The following ABCA3 variants were observed in gnomAD, a reference collection of about 807,000 sequenced individuals.
ABCA3 encodes the protein phospholipid-transporting ATPase ABCA3.
Under a neutral mutation model 172.8 loss-of-function variants are expected in ABCA3, and 88 were observed. The observed-to-expected ratio is 0.51, with a 90% CI of 0.43 to 0.61. The LOEUF (loss-of-function observed/expected upper bound fraction) is 0.61. Ranked by LOEUF, ABCA3 falls within the 20% of genes least tolerant of loss-of-function variation. The pLI is 0.00. For synonymous variants in ABCA3, 1,066 were observed against 983.8 expected (o/e 1.08, Z -1.56); for missense variants, 2,164 against 2,301.0 (o/e 0.94, Z 1.22).
Position 2,298,367 on chromosome 16 carries a change from C to T in ABCA3, c.1896+19G>A, listed in dbSNP as rs1308378273. On this transcript the variant is annotated intron_variant, in intron 15 of 32. Coordinates refer to ENST00000301732, the MANE Select transcript of ABCA3 (RefSeq NM_001089.3). ...ACATCAGTGGAAACACCCCTGCACA[C>T]CCCTGGCCCCCAACTCACCTGGGCG... is the stretch of plus-strand genomic sequence containing the variant. The T allele has an allele frequency of 1.7e-5, 28 of 1,614,002 alleles. No homozygotes were observed. Among genetic ancestry groups the T allele is most frequent in the Non-Finnish European group, 2.3e-5 (27 of 1,179,988 alleles).
Position 2,297,583 on chromosome 16 carries a change from C to A in ABCA3, c.2053-44G>T. 1 of 1,607,482 alleles carries A rather than the reference C, an allele frequency of 6.2e-7. No homozygotes were observed. Among genetic ancestry groups the A allele is most frequent in the Non-Finnish European group, 8.5e-7 (1 of 1,178,382 alleles). ...TCTCGCGACGCTGGTAGAGCCACAC[C>A]CCGGGCCCAGGCTGGCCTTGCGGTA... On this transcript the variant is annotated intron_variant, in intron 16 of 32. Transcript: ENST00000301732. This position sits in a 1 kb window ranked among gnomAD's most constrained non-coding sequence, Gnocchi z 5.6.
intron 11 of ABCA3, 112 bp from the exon 12 acceptor site, chr16:2,304,262 G>C (rs561918204): frequency 8.9e-7 from 1 of 1,123,854 alleles, no homozygotes; most frequent in East Asian, 2.4e-5. Context: ...GCCACTGCTT[G>C]GTTGGCATGC....
chr16:2,338,799 G>C (rs537541716), intron 1 of ABCA3, among the ~76,000 whole-genome samples: 16 of 141,724 alleles, frequency 1.1e-4, no homozygotes, highest in African/African-American at 4.2e-4. Flanking sequence ...CTGTCGCCCA[G>C]GCTGGAGGGC....
chr16:2,277,580 C>T lies in ABCA3; in HGVS notation c.4983+17G>A, dbSNP rs1567335224. On this transcript the variant is annotated intron_variant, in intron 32 of 32. Transcript: ENST00000301732. This position sits in a 1 kb window ranked among gnomAD's most constrained non-coding sequence, Gnocchi z 5.3. Reference sequence around the variant, plus strand: ...CTGCCCCATGAGTGCCCAGTGGGGCCCCAGGGACTGCCTCACCTTCGCCCA... The same window carrying T: ...CTGCCCCATGAGTGCCCAGTGGGGCTCCAGGGACTGCCTCACCTTCGCCCA... The T allele has an allele frequency of 4.3e-6, 7 of 1,612,758 alleles. No individual in the cohort carries two copies. The highest frequency in any genetic ancestry group is 5.1e-6 in the Non-Finnish European group (6 of 1,179,914).
intron 10 of ABCA3, among the ~76,000 whole-genome samples, chr16:2,313,170 G>A (rs1172256952): frequency 6.6e-6 from 1 of 152,154 alleles, no homozygotes; most frequent in African/African-American, 2.4e-5. Context: ...TTTATGCTTA[G>A]GGTCTGGTGG....
chr16:2,322,934 C>T (rs544118423), intron 7 of ABCA3, among the ~76,000 whole-genome samples: 3 of 152,246 alleles, frequency 2.0e-5, no homozygotes, highest in African/African-American at 7.2e-5. Flanking sequence ...CCAGAATCTA[C>T]AATGAACTCA....
Position 2,283,038 on chromosome 16 carries a change from G to A in ABCA3, c.4035+148C>T, listed in dbSNP as rs1234142440. ...GTGCCCCGCCCTGGCTGTAAGTGCCGGCTGGTGCTGAGGCCGTACAGTGGG... is the reference window on the plus strand; with the variant it reads ...GTGCCCCGCCCTGGCTGTAAGTGCCAGCTGGTGCTGAGGCCGTACAGTGGG... On this transcript the variant is annotated intron_variant, in intron 26 of 32. Transcript: ENST00000301732. This position sits in a 1 kb window ranked among gnomAD's most constrained non-coding sequence, Gnocchi z 5.4. 1.9e-5 allele frequency: 18 copies of A among 934,210 alleles called. No homozygotes were observed. Among genetic ancestry groups the A allele is most frequent in the Non-Finnish European group, 2.5e-5 (15 of 603,814 alleles). The allele number at this position is 934,210 out of a possible 1,614,324, so 57.9% of individuals were successfully genotyped here.
In ABCA3 at chr16:2,288,110, C is replaced by G. The variant is rs773990907; in HGVS notation, c.2920G>C (p.Gly974Arg). The G allele has an allele frequency of 3.1e-6, 5 of 1,613,424 alleles. No homozygotes were observed. The South Asian group carries it at 3.3e-5, about 11-fold the overall frequency. ...GRTVVPFSVP[G>R]TSQLGQQLSE... is the part of the protein sequence containing the mutation. Reference sequence around the variant, plus strand: ...AGCTGCTGACCCAGCTGGGAGGTCCCGGGAACTGAGAAGGGCACGACGGTT... The same window carrying G: ...AGCTGCTGACCCAGCTGGGAGGTCCGGGGAACTGAGAAGGGCACGACGGTT... Residue 974 changes from glycine (G) to arginine (R), a missense_variant, in exon 21 of 33, where the codon GGG (glycine) becomes CGG (arginine). By Grantham distance (125) the Gly-to-Arg change is moderately radical (BLOSUM62 -2). Around this residue, in one of 3 missense-constraint regions of ABCA3, gnomAD observed 1,343 missense variants for 1,369.6 expected, o/e 0.98. Coordinates refer to ENST00000301732, the MANE Select transcript of ABCA3 (RefSeq NM_001089.3).
intron 12 of ABCA3, among the ~76,000 whole-genome samples, chr16:2,301,144 T>C (rs1317401799): frequency 6.8e-5 from 10 of 147,760 alleles, no homozygotes; most frequent in Admixed American, 6.1e-4. Context: ...GGCAGGAGAA[T>C]GGCGTGAACC....
intron 11 of ABCA3, among the ~76,000 whole-genome samples, chr16:2,307,535 C>G (rs1182753825): frequency 2.0e-5 from 3 of 151,866 alleles, no homozygotes; most frequent in Non-Finnish European, 2.9e-5. Context: ...ACCTGGGAAA[C>G]AGAACGAGAC....
chr16:2,325,860 G>A lies in ABCA3; in HGVS notation c.319+150C>T, dbSNP rs2093733337. 1.4e-5 allele frequency: 15 copies of A among 1,065,334 alleles called. No homozygotes were observed. In the South Asian group the frequency reaches 1.9e-4, roughly 13 times the overall value. 66.0% of individuals were successfully genotyped at this position (1,065,334 alleles called of 1,614,324 possible). On this transcript the variant is annotated intron_variant, in intron 5 of 32. Transcript: ENST00000301732. ...GGAACAGCAGTGCCTTTTACAGGTT[G>A]AAGTAGTGATGCGGGAAGAAGCAGA...
chr16:2,278,606 C>A lies in ABCA3; in HGVS notation c.4548-148G>T. 1 of 1,157,248 alleles carries A rather than the reference C, an allele frequency of 8.6e-7. No homozygotes were observed. Among genetic ancestry groups the A allele is most frequent in the Non-Finnish European group, 1.2e-6 (1 of 814,164 alleles). The allele number at this position is 1,157,248 out of a possible 1,614,324, so 71.7% of individuals were successfully genotyped here. ...GAAGAGGAAGGAGCTGTGTGTGCAC[C>A]TGGAAAGCCCACCGCATAGGGCTGG... On this transcript the variant is annotated intron_variant, in intron 29 of 32. Transcript: ENST00000301732. The surrounding 1 kb of genome is among the most constrained non-coding windows in gnomAD (Gnocchi z 4.4).
At position 2,284,761 on chromosome 16, in the gene ABCA3, T is replaced by G. The variant is rs964066957; in HGVS notation, c.3703+18A>C. The G allele has an allele frequency of 6.2e-7, 1 of 1,607,296 alleles. No homozygotes were observed. The highest frequency in any genetic ancestry group is 8.5e-7 in the Non-Finnish European group (1 of 1,177,548). The stretch of plus-strand genomic sequence containing the variant: ...CGTGGATGGCCATGGGGGCTGCGGG[T>G]GGTCTCCAGGTGCCCACCTGGGATG... On this transcript the variant is annotated intron_variant, in intron 24 of 32. Transcript: ENST00000301732. This position sits in a 1 kb window ranked among gnomAD's most constrained non-coding sequence, Gnocchi z 5.9.
At chr16:2,323,417 A>AAAGTATTTCTTC in intron 7 of ABCA3, 106 bp downstream of exon 7, 1 of 1,461,432 alleles carries the variant, frequency 6.8e-7, no homozygotes, top group Admixed American at 1.7e-5. Context: ...AATGTCCTGA[A>AAAGTATTTCTTC]AAGTATTTCT....
chr16:2,315,953 G>A (rs1017838400), intron 10 of ABCA3, among the ~76,000 whole-genome samples: 34 of 148,476 alleles, frequency 2.3e-4, no homozygotes, highest in African/African-American at 8.4e-4. Context: ...AAAGTGCTAG[G>A]ATTACAGGTG....
At position 2,288,039 on chromosome 16, in the gene ABCA3, G is replaced by A; in HGVS notation, c.2991C>T (p.Pro997=). ...KDALQAEGQE[P]REVLGDLEEF... Reference sequence around the variant, plus strand: ...GATGCCCCTTACCGAGCACCTCGCGGGGCTCCTGTCCCTCAGCCTGCAGTG... The same window carrying A: ...GATGCCCCTTACCGAGCACCTCGCGAGGCTCCTGTCCCTCAGCCTGCAGTG... The change falls in exon 21 of 33, where the codon CCC becomes CCT. Residue 997 remains proline (P), a synonymous_variant. Coordinates refer to ENST00000301732, the MANE Select transcript of ABCA3 (RefSeq NM_001089.3). 6.2e-7 allele frequency: 1 copy of A among 1,608,534 alleles called. No homozygotes were observed. Among genetic ancestry groups the A allele is most frequent in the Non-Finnish European group, 8.5e-7 (1 of 1,179,984 alleles).
chr16:2,312,377 C>G (rs2093707916), intron 10 of ABCA3, among the ~76,000 whole-genome samples: 1 of 152,130 alleles, frequency 6.6e-6, no homozygotes, highest in Non-Finnish European at 1.5e-5. Flanking sequence ...TACTTTTCCT[C>G]AAGATAATCC....
chr16:2,306,042 A>G (rs2141717665), intron 11 of ABCA3, among the ~76,000 whole-genome samples: 1 of 152,072 alleles, frequency 6.6e-6, no homozygotes, highest in East Asian at 1.9e-4. Context: ...ACAACCAGAG[A>G]TTTGTCTGTT....
At position 2,320,234 on chromosome 16, in the gene ABCA3, G is replaced by C. The variant is rs544205189; in HGVS notation, c.614-394C>G. ...CTGCCTCAGCCTCCCGAGTAGCTGG[G>C]ACTACAGGTGCACACCACCATGCCC... On this transcript the variant is annotated intron_variant, in intron 7 of 32. Transcript: ENST00000301732. 4.0e-4 allele frequency among the ~76,000 whole-genome samples: 61 copies of C among 151,728 alleles called. 1 individual carries two copies. The highest frequency in any genetic ancestry group is 1.4e-3 in the African/African-American group (59 of 41,362).
Sources: gnomAD v4.1 joint callset for allele counts (sites outside exome capture counted in the v4.1 genomes callset) on GRCh38, gnomAD v4.1.1 for gene constraint, gnomAD v4.1.1 regional missense constraint, Gnocchi (gnomAD v3.1) non-coding constraint, MANE v1.5 for transcripts, NCBI Gene and HGNC (gene_info 2026-07-23, HGNC 2026-07-21) for gene names.